PCDHA8: variants seen among roughly 807,000 people sequenced by gnomAD.
The protein encoded by PCDHA8 is protocadherin alpha-8.
In PCDHA8, 53 loss-of-function variants were observed where a neutral mutation model predicts 61.8. The ratio of observed to expected loss-of-function variants is 0.86; its 90% CI spans 0.69 to 1.08. The LOEUF (loss-of-function observed/expected upper bound fraction) is 1.08. Ranked by LOEUF, PCDHA8 falls within the 50% of genes least tolerant of loss-of-function variation. The pLI, the probability that PCDHA8 is intolerant of heterozygous loss-of-function variation, is 0.00. For synonymous variants in PCDHA8, 618 were observed against 556.6 expected, an observed-to-expected ratio of 1.11 and a Z score of -1.55; for missense variants, 1,293 against 1,245.0, an observed-to-expected ratio of 1.04 and a Z score of -0.58.
At chr5:140,855,376 A>T (rs1239693937) in intron 1 of PCDHA8, among the ~76,000 whole-genome samples, 1 of 150,012 alleles carries the variant, frequency 6.7e-6, no homozygotes, top group Non-Finnish European at 1.5e-5. Context: ...GATAATAGGA[A>T]TCTAAATGGA....
intron 1 of PCDHA8, chr5:140,928,695 C>T (rs782305388): frequency 9.3e-6 from 15 of 1,614,058 alleles, no homozygotes; most frequent in Non-Finnish European, 1.3e-5. Context: ...ACCACATCTC[C>T]CGGGCGTCTG....
At chr5:140,893,204 G>A (rs1207669882) in intron 1 of PCDHA8, among the ~76,000 whole-genome samples, 1 of 152,244 alleles carries the variant, frequency 6.6e-6, no homozygotes, top group African/African-American at 2.4e-5. Context: ...GCTGCAGTAA[G>A]TATGGGAGGT....
At chr5:140,906,253 A>C (rs1049653184) in intron 1 of PCDHA8, among the ~76,000 whole-genome samples, 5 of 152,064 alleles carry the variant, frequency 3.3e-5, no homozygotes, top group South Asian at 2.1e-4. Flanking sequence ...ACCCATACAC[A>C]CCTCCTGAAA....
intron 1 of PCDHA8, chr5:140,855,929 A>T (rs914508327): frequency 1.6e-6 from 2 of 1,278,216 alleles, no homozygotes; most frequent in Non-Finnish European, 2.2e-6. Context: ...AAGTAGCGTC[A>T]TTCTGAGATC....
intron 1 of PCDHA8, among the ~76,000 whole-genome samples, chr5:140,910,488 A>G (rs1195141583): frequency 2.0e-5 from 3 of 152,232 alleles, no homozygotes; most frequent in African/African-American, 7.2e-5. Flanking sequence ...CATACAGAGA[A>G]GAGCAATCAC....
At chr5:140,901,282 T>A (rs555723354) in intron 1 of PCDHA8, among the ~76,000 whole-genome samples, 44 of 152,318 alleles carry the variant, frequency 2.9e-4, no homozygotes, top group African/African-American at 1.0e-3. Context: ...CAAGAAATTT[T>A]TGCCCAGACT....
chr5:140,946,405 T>C (rs1554217546), intron 1 of PCDHA8, among the ~76,000 whole-genome samples: 1 of 151,592 alleles, frequency 6.6e-6, no homozygotes, highest in South Asian at 2.1e-4. Context: ...AGTACAATCA[T>C]AGAAAACAAT....
chr5:140,853,637 C>T lies in PCDHA8; in HGVS notation c.2394+9922C>T, dbSNP rs1261449474. 3.6e-5 allele frequency: 36 copies of T among 988,398 alleles called. 4 individuals carry two copies. The highest frequency in any genetic ancestry group is 4.4e-5 in the Non-Finnish European group (36 of 820,538). 61.2% of individuals were successfully genotyped at this position (988,398 alleles called of 1,614,324 possible). On this transcript the variant is annotated intron_variant, in intron 1 of 3. Coordinates refer to ENST00000531613, the MANE Select transcript of PCDHA8 (RefSeq NM_018911.3). ...TAAATAAGTATACAAGATCACAGAC[C>T]TAAATTGAGCCTGTTCCAGACAAAT... is the stretch of plus-strand genomic sequence containing the variant.
chr5:140,888,572 A>G (rs1354616132), intron 1 of PCDHA8, among the ~76,000 whole-genome samples: 1 of 152,196 alleles, frequency 6.6e-6, no homozygotes, highest in Admixed American at 6.5e-5. Context: ...GCTTCATTTT[A>G]AGATTTGTTA....
intron 1 of PCDHA8, chr5:140,927,725 C>T (rs782731204): frequency 1.2e-6 from 2 of 1,614,202 alleles, no homozygotes; most frequent in South Asian, 2.2e-5. Flanking sequence ...AGCACGCAAG[C>T]AGAGCTGCGA....
chr5:140,916,092 A>T (rs1396935399), intron 1 of PCDHA8, among the ~76,000 whole-genome samples: 1 of 152,092 alleles, frequency 6.6e-6, no homozygotes, highest in Non-Finnish European at 1.5e-5. Flanking sequence ...GTCCACAGGG[A>T]ATCTGCCTGG....
At chr5:140,997,091 G>A (rs73268064) in intron 3 of PCDHA8, among the ~76,000 whole-genome samples, 546 of 152,154 alleles carry the variant, frequency 3.6e-3, no homozygotes, top group Middle Eastern at 0.014. Flanking sequence ...AGAAAGTGCA[G>A]AGTTCTCATG....
At chr5:140,928,319 A>AGAAT (rs1554205765) in intron 1 of PCDHA8, 1 of 1,614,082 alleles carries the variant, frequency 6.2e-7, no homozygotes, top group Non-Finnish European at 8.5e-7. Flanking sequence ...GACCTGGGGA[A>AGAAT]GAATGGCCTT....
chr5:140,944,182 GTTTGT>G (rs750577669), intron 1 of PCDHA8, among the ~76,000 whole-genome samples: 4 of 152,050 alleles, frequency 2.6e-5, no homozygotes, highest in African/African-American at 2.4e-5. Context: ...TTTTTTGTTG[GTTTGT>G]TTTGTTTTGT....
At chr5:140,861,739 G>A (rs2047048069) in intron 1 of PCDHA8, 3 of 159,798 alleles carry the variant, frequency 1.9e-5, no homozygotes, top group Admixed American at 1.3e-4. Context: ...CTTACATACT[G>A]TGCCGCAATG....
intron 1 of PCDHA8, chr5:140,856,255 A>G: frequency 2.5e-6 from 4 of 1,597,974 alleles, no homozygotes; most frequent in Non-Finnish European, 3.4e-6. Flanking sequence ...CGTCCAAAAG[A>G]CACGGGGACC....
chr5:140,876,343 T>C lies in PCDHA8; in HGVS notation c.2394+32628T>C, dbSNP rs1196276310. ...AATGATTTTGCCAGTGAGTGAGAAA[T>C]GTATGTTTTCAATAAATCCAGACAC... is the stretch of plus-strand genomic sequence containing the variant. On this transcript the variant is annotated intron_variant, in intron 1 of 3. Transcript: ENST00000531613. 2 of 1,613,972 alleles carry C rather than the reference T, an allele frequency of 1.2e-6. No individual in the cohort carries two copies. The highest frequency in any genetic ancestry group is 1.1e-5 in the South Asian group (1 of 91,090).
Position 140,848,616 on chromosome 5 carries a change from C to T in PCDHA8, c.2394+4901C>T, listed in dbSNP as rs1196599675. ...CTACTCCGTCCCGGAGGAAGCCGAA[C>T]ACGGCACCTTCGTGGGCCGCATCGC... On this transcript the variant is annotated intron_variant, in intron 1 of 3. Transcript: ENST00000531613. 1.3e-5 allele frequency: 21 copies of T among 1,593,464 alleles called. 4 individuals carry two copies. The highest frequency in any genetic ancestry group is 1.8e-5 in the Non-Finnish European group (21 of 1,163,958).
intron 3 of PCDHA8, chr5:140,988,873 G>A (rs1471282852): frequency 6.6e-6 from 1 of 152,170 alleles, no homozygotes; most frequent in Non-Finnish European, 1.5e-5. Context: ...GCACTCAGAT[G>A]TACGATCCTG....
Sources: allele counts gnomAD v4.1 joint callset (sites outside exome capture counted in the v4.1 genomes callset), GRCh38; gene constraint gnomAD v4.1.1; transcripts MANE v1.5; gene names NCBI Gene and HGNC (gene_info 2026-07-23, HGNC 2026-07-21).